Variants in SPECC1L observed in about 807,000 individuals in gnomAD.
SPECC1L encodes the protein sperm antigen with calponin homology and coiled-coil domains 1 like.
SPECC1L carries 40 observed loss-of-function variants against 116.8 expected under a neutral mutation model. That is an observed-to-expected ratio of 0.34 (90% CI 0.27 to 0.45). SPECC1L has a LOEUF of 0.45. SPECC1L is among the 20% of genes least tolerant of loss of function. The pLI is 1.00. For synonymous variants in SPECC1L, 504 were observed against 500.6 expected (o/e 1.01, Z -0.09); for missense variants, 1,110 against 1,373.6 (o/e 0.81, Z 3.03).
intron 8 of SPECC1L, among the ~76,000 whole-genome samples, chr22:24,331,777 T>G (rs1294978619): frequency 6.6e-6 from 1 of 152,228 alleles, no homozygotes; most frequent in Non-Finnish European, 1.5e-5. Context: ...AACCAAGGTC[T>G]TGGCAATAAA....
intron 10 of SPECC1L, among the ~76,000 whole-genome samples, chr22:24,344,961 C>G (rs1601586578): frequency 6.6e-6 from 1 of 152,086 alleles, no homozygotes; most frequent in East Asian, 1.9e-4. Context: ...TTAAATTGGT[C>G]TGTAGATTCA....
At chr22:24,377,102 T>C (rs2041986177) in intron 14 of SPECC1L, among the ~76,000 whole-genome samples, 1 of 152,200 alleles carries the variant, frequency 6.6e-6, no homozygotes, top group African/African-American at 2.4e-5. Context: ...AATCACACAA[T>C]ATGTGGTCCT....
At chr22:24,295,877 G>A (rs2049251053) in intron 2 of SPECC1L, among the ~76,000 whole-genome samples, 1 of 152,146 alleles carries the variant, frequency 6.6e-6, no homozygotes, top group South Asian at 2.1e-4. Context: ...GAACCCGGGA[G>A]GCAGATGTTG....
intron 2 of SPECC1L, among the ~76,000 whole-genome samples, chr22:24,294,660 G>A (rs1214604891): frequency 2.6e-5 from 4 of 152,016 alleles, no homozygotes; most frequent in African/African-American, 2.4e-5. Flanking sequence ...TGGGATTAGA[G>A]GCATGAGCCA....
At chr22:24,382,620 G>A (rs1331292734) in intron 14 of SPECC1L, among the ~76,000 whole-genome samples, 10 of 149,170 alleles carry the variant, frequency 6.7e-5, no homozygotes, top group African/African-American at 2.0e-4. Flanking sequence ...AGAGAATGGC[G>A]TGAACCCAGA....
chr22:24,352,546 A>T (rs138303835), intron 11 of SPECC1L, among the ~76,000 whole-genome samples: 1,641 of 152,272 alleles, frequency 0.011, 27 homozygotes, highest in African/African-American at 0.036. Flanking sequence ...AAAATGATTT[A>T]TGTTAAGGGT....
At chr22:24,283,038 A>G (rs1190058803) in intron 2 of SPECC1L, among the ~76,000 whole-genome samples, 1 of 151,512 alleles carries the variant, frequency 6.6e-6, no homozygotes, top group Non-Finnish European at 1.5e-5. Context: ...TCATCCTCCC[A>G]AAGTGCTGGG....
chr22:24,278,877 A>C (rs1440944052), intron 2 of SPECC1L, among the ~76,000 whole-genome samples: 1 of 152,210 alleles, frequency 6.6e-6, no homozygotes, highest in Admixed American at 6.5e-5. Context: ...GTGGATCTGG[A>C]GTTTTTCTAG....
At chr22:24,323,023 CT>C (rs569066647) in intron 5 of SPECC1L, 105 bp downstream of exon 5, 23 of 1,473,476 alleles carry the variant, frequency 1.6e-5, no homozygotes, top group East Asian at 4.9e-5. Flanking sequence ...GTGTTATTAG[CT>C]TTTTTTTAAA....
At chr22:24,357,878 C>T (rs2041562905) in intron 11 of SPECC1L, among the ~76,000 whole-genome samples, 1 of 152,188 alleles carries the variant, frequency 6.6e-6, no homozygotes, top group Admixed American at 6.6e-5. Flanking sequence ...ATGCTTTCAG[C>T]TGAGCTTTCC....
chr22:24,287,573 T>C (rs1307595805), intron 2 of SPECC1L, among the ~76,000 whole-genome samples: 2 of 152,204 alleles, frequency 1.3e-5, no homozygotes, highest in African/African-American at 2.4e-5. Context: ...TCTCTGAAGA[T>C]TTAGCACACC....
intron 3 of SPECC1L, among the ~76,000 whole-genome samples, chr22:24,308,797 A>G (rs2049554332): frequency 6.6e-6 from 1 of 152,198 alleles, no homozygotes; most frequent in African/African-American, 2.4e-5. Context: ...GCATTCTGCT[A>G]CAAGGAAGAG....
At chr22:24,363,424 C>G in intron 12 of SPECC1L, 80 bp downstream of exon 12, 1 of 1,235,050 alleles carries the variant, frequency 8.1e-7, no homozygotes, top group Non-Finnish European at 1.2e-6. Flanking sequence ...AGGCTGATCT[C>G]AAACTCCTGG....
intron 2 of SPECC1L, among the ~76,000 whole-genome samples, chr22:24,295,406 T>G (rs1014704142): frequency 2.7e-5 from 4 of 149,872 alleles, no homozygotes; most frequent in Non-Finnish European, 5.9e-5. Flanking sequence ...GTTTGTTGCA[T>G]GGGTATGTTG....
At position 24,417,188 on chromosome 22, in the gene SPECC1L, C is replaced by T. The variant is rs749901433; in HGVS notation, c.*2565C>T. The stretch of plus-strand genomic sequence containing the variant: ...CTCTCGATCCCAGGCTTCTGCGGAC[C>T]GACGATACGTTTAAATGTTGTTCTA... On this transcript the variant is annotated 3_prime_UTR_variant, in exon 17 of 17. Coordinates refer to ENST00000314328, the MANE Select transcript of SPECC1L (RefSeq NM_015330.6). 4 of 152,564 alleles carry T rather than the reference C, an allele frequency of 2.6e-5. No homozygotes were observed. Among genetic ancestry groups the T allele is most frequent in the Admixed American group, 2.6e-4 (4 of 15,282 alleles). The allele number at this position is 152,564 out of a possible 1,614,324, so 9.5% of individuals were successfully genotyped here.
intron 4 of SPECC1L, among the ~76,000 whole-genome samples, chr22:24,314,546 G>C (rs1034681344): frequency 2.6e-5 from 4 of 152,086 alleles, no homozygotes; most frequent in Non-Finnish European, 5.9e-5. Flanking sequence ...TGGCTGATGT[G>C]TCTCTTAAAT....
intron 12 of SPECC1L, among the ~76,000 whole-genome samples, chr22:24,364,140 G>A (rs1476753542): frequency 6.6e-6 from 1 of 152,084 alleles, no homozygotes; most frequent in African/African-American, 2.4e-5. Flanking sequence ...TGATTACCTG[G>A]CAATACTCAG....
chr22:24,405,307 G>A (rs1283238935), intron 14 of SPECC1L, among the ~76,000 whole-genome samples: 38 of 152,240 alleles, frequency 2.5e-4, no homozygotes, highest in Admixed American at 7.2e-4. Flanking sequence ...ACCAGGGCAC[G>A]TGGTATTGCT....
intron 2 of SPECC1L, among the ~76,000 whole-genome samples, chr22:24,284,865 G>A (rs1207972290): frequency 6.6e-6 from 1 of 152,212 alleles, no homozygotes; most frequent in East Asian, 1.9e-4. Context: ...AGTCAAGAAA[G>A]CCTGATAAAA....
Sources: gnomAD v4.1 joint callset for allele counts (sites outside exome capture counted in the v4.1 genomes callset) on GRCh38, gnomAD v4.1.1 for gene constraint, MANE v1.5 for transcripts, NCBI Gene and HGNC (gene_info 2026-07-23, HGNC 2026-07-21) for gene names.